The following ANKFN1 variants were observed in gnomAD, a reference collection of about 807,000 sequenced individuals.
ANKFN1 encodes ankyrin repeat and fibronectin type-III domain-containing protein 1.
ANKFN1 carries 74 observed loss-of-function variants against 108.7 expected under a neutral mutation model. That is an observed-to-expected ratio of 0.68 (90% CI 0.56 to 0.83). The LOEUF (loss-of-function observed/expected upper bound fraction) is 0.83, where lower values mean the gene tolerates loss of function less well. Ranked by LOEUF, ANKFN1 falls within the 40% of genes least tolerant of loss-of-function variation. The pLI, the probability that ANKFN1 is intolerant of heterozygous loss-of-function variation, is 0.00. For missense variants in ANKFN1, 1,505 were observed against 1,382.3 expected, an observed-to-expected ratio of 1.09 and a Z score of -1.41; for synonymous variants, 547 against 516.2, an observed-to-expected ratio of 1.06 and a Z score of -0.81.
At chr17:56,321,416 T>C (rs1312199507) in intron 3 of ANKFN1, among the ~76,000 whole-genome samples, 2 of 151,346 alleles carry the variant, frequency 1.3e-5, no homozygotes, top group Non-Finnish European at 2.9e-5. Flanking sequence ...AATGCCACTT[T>C]CTTATAATTT....
At chr17:56,159,032 C>G (rs1392033671) in intron 1 of ANKFN1, among the ~76,000 whole-genome samples, 1 of 18,196 alleles carries the variant, frequency 5.5e-5, no homozygotes, top group African/African-American at 2.1e-4. Context: ...ATGGTCTAGG[C>G]CAAAAAAAAA....
rs563699598 is a variant in ANKFN1 at position 56,193,581 on chromosome 17, A to T, written c.-70-19017A>T. Among the ~76,000 whole-genome samples the T allele has an allele frequency of 3.5e-4, 47 of 135,210 alleles. No homozygotes were observed. The East Asian group carries it at 3.6e-3, about 10-fold the overall frequency. The allele number at this position is 135,210 out of a possible 152,430, so 88.7% of individuals were successfully genotyped here. A position where few individuals can be genotyped will look rare whatever the true frequency, so the allele number is the denominator to read the frequency against. On this transcript the variant is annotated intron_variant, in intron 1 of 20. Transcript: ENST00000682825. ...GTGCATAATTTATTTGTAGCGTTTTAAAAAAAAAAAAAAGAATCTAGACAC... is the reference window on the plus strand; with the variant it reads ...GTGCATAATTTATTTGTAGCGTTTTTAAAAAAAAAAAAAGAATCTAGACAC...
At chr17:56,308,655 G>C (rs998589228) in intron 3 of ANKFN1, among the ~76,000 whole-genome samples, 4 of 151,956 alleles carry the variant, frequency 2.6e-5, no homozygotes, top group African/African-American at 9.7e-5. Context: ...TGATCTTAGG[G>C]GGAAGCATTG....
intron 15 of ANKFN1, among the ~76,000 whole-genome samples, chr17:56,476,155 C>T (rs1365283395): frequency 6.6e-6 from 1 of 152,114 alleles, no homozygotes; most frequent in African/African-American, 2.4e-5. Context: ...CCCACCAGGC[C>T]CCTCCGCCAA....
At chr17:56,260,555 T>C (rs1304999917) in intron 3 of ANKFN1, among the ~76,000 whole-genome samples, 1 of 152,270 alleles carries the variant, frequency 6.6e-6, no homozygotes, top group East Asian at 1.9e-4. Flanking sequence ...ACCAGCATTT[T>C]TGATGAGTTA....
chr17:56,064,489 G>A (rs1350942385), intron 4 of ANKFN1, among the ~76,000 whole-genome samples: 1 of 152,228 alleles, frequency 6.6e-6, no homozygotes, highest in Non-Finnish European at 1.5e-5. Flanking sequence ...GCCAGGGTCA[G>A]GCCTGAAGAG....
chr17:56,214,305 G>A (rs1372652544), intron 2 of ANKFN1, among the ~76,000 whole-genome samples: 1 of 152,190 alleles, frequency 6.6e-6, no homozygotes, highest in African/African-American at 2.4e-5. Flanking sequence ...ACACAGTGAT[G>A]ATCTCTGTCT....
chr17:56,077,473 A>G (rs1449731732), intron 4 of ANKFN1, among the ~76,000 whole-genome samples: 1 of 152,164 alleles, frequency 6.6e-6, no homozygotes, highest in Non-Finnish European at 1.5e-5. Context: ...CAACTTTTTC[A>G]TAAGTGGCCC....
intron 4 of ANKFN1, among the ~76,000 whole-genome samples, chr17:56,096,002 G>A (rs760355825): frequency 1.6e-4 from 24 of 152,132 alleles, no homozygotes; most frequent in Non-Finnish European, 3.2e-4. Flanking sequence ...GACCTTGAAC[G>A]ATTTTACCTT....
At chr17:56,082,563 T>C (rs1332155102) in intron 4 of ANKFN1, among the ~76,000 whole-genome samples, 1 of 152,138 alleles carries the variant, frequency 6.6e-6, no homozygotes, top group Non-Finnish European at 1.5e-5. Flanking sequence ...ATTGATTGAT[T>C]TAGTGGTTAG....
Position 56,510,834 on chromosome 17 carries a change from AG to A in ANKFN1, c.3008del (p.Gly1003AlafsTer62). On this transcript the variant is annotated frameshift_variant, in exon 21 of 21. Coordinates refer to ENST00000682825, the MANE Select transcript of ANKFN1 (RefSeq NM_001370326.1). LOFTEE classifies it low-confidence loss of function (END_TRUNC). The stretch of plus-strand genomic sequence containing the variant: ...TAGGCTTCCTGGGAAAGCGGAAGCC[AG>A]GCAAGCACCCCCACTATGGCGGCTT... ...PLGFLGKRKP[G>X]KHPHYGGFSR... 1 of 1,536,186 alleles carries A rather than the reference AG, an allele frequency of 6.5e-7. No individual in the cohort carries two copies.
chr17:56,470,567 C>T (rs1301198375), intron 15 of ANKFN1, among the ~76,000 whole-genome samples: 1 of 152,160 alleles, frequency 6.6e-6, no homozygotes, highest in East Asian at 1.9e-4. Context: ...ATGGCCTAAT[C>T]ATTCTGTGGG....
chr17:56,278,593 T>G (rs1368140178), intron 3 of ANKFN1, among the ~76,000 whole-genome samples: 1 of 152,244 alleles, frequency 6.6e-6, no homozygotes, highest in African/African-American at 2.4e-5. Context: ...TTCCTATTGC[T>G]TTAGGAATAT....
intron 15 of ANKFN1, among the ~76,000 whole-genome samples, chr17:56,474,000 T>G (rs2050415396): frequency 6.6e-6 from 1 of 152,176 alleles, no homozygotes; most frequent in Admixed American, 6.5e-5. Flanking sequence ...TAAGCACATT[T>G]TCATATTAAG....
chr17:56,186,800 CG>C (rs982915482), intron 1 of ANKFN1, among the ~76,000 whole-genome samples: 2 of 152,072 alleles, frequency 1.3e-5, no homozygotes, highest in African/African-American at 4.8e-5. Flanking sequence ...AAAAATCGCA[CG>C]GGGCTGTAGA....
At chr17:56,356,422 A>G (rs2046379156) in intron 6 of ANKFN1, among the ~76,000 whole-genome samples, 1 of 152,216 alleles carries the variant, frequency 6.6e-6, no homozygotes, top group Non-Finnish European at 1.5e-5. Flanking sequence ...GCTGAAAGAG[A>G]AGCAAGCAAA....
At chr17:56,287,243 A>G (rs1189624832) in intron 3 of ANKFN1, among the ~76,000 whole-genome samples, 2 of 152,120 alleles carry the variant, frequency 1.3e-5, no homozygotes, top group Admixed American at 6.5e-5. Flanking sequence ...TCCATTACCA[A>G]CCAACCTCTA....
intron 4 of ANKFN1, among the ~76,000 whole-genome samples, chr17:56,090,857 C>T (rs1314837897): frequency 6.6e-6 from 1 of 151,326 alleles, no homozygotes; most frequent in South Asian, 2.1e-4. Flanking sequence ...ATCCTCCCAA[C>T]AAGGCATCCC....
chr17:56,152,262 ATGTGTGTGTGTG>A (rs200366444), upstream of ANKFN1, among the ~76,000 whole-genome samples: 20 of 77,834 alleles, frequency 2.6e-4, no homozygotes, highest in East Asian at 1.8e-3. Context: ...ATATATATAT[ATGTGTGTGTGTG>A]TGTGTGTGTG....
Sources: allele counts gnomAD v4.1 joint callset (sites outside exome capture counted in the v4.1 genomes callset), GRCh38; gene constraint gnomAD v4.1.1; transcripts MANE v1.5; gene names NCBI Gene and HGNC (gene_info 2026-07-23, HGNC 2026-07-21).